Variants in TRPM7 observed in about 807,000 individuals in gnomAD.
TRPM7 encodes the protein LTRPC ion channel family member 7.
A neutral mutation model predicts 229.7 loss-of-function variants in TRPM7; 134 were observed. That is an observed-to-expected ratio of 0.58 (90% CI 0.51 to 0.67). The LOEUF (loss-of-function observed/expected upper bound fraction) is 0.67, where lower values mean the gene tolerates loss of function less well. Ranked by LOEUF, TRPM7 falls within the 30% of genes least tolerant of loss-of-function variation. The pLI is 0.00. For synonymous variants in TRPM7, 699 were observed against 715.2 expected, an observed-to-expected ratio of 0.98 and a Z score of 0.36; for missense variants, 1,901 against 2,210.0, an observed-to-expected ratio of 0.86 and a Z score of 2.80.
chr15:50,571,918 A>G (rs974245788), intron 36 of TRPM7, among the ~76,000 whole-genome samples: 1 of 152,230 alleles, frequency 6.6e-6, no homozygotes, highest in African/African-American at 2.4e-5. Context: ...CAATTTTGAA[A>G]GAAGTTCCAC....
chr15:50,636,550 GTTTT>G (rs2060914410), intron 7 of TRPM7, among the ~76,000 whole-genome samples: 1 of 152,060 alleles, frequency 6.6e-6, no homozygotes, highest in Non-Finnish European at 1.5e-5. Context: ...CTGTTCTGTA[GTTTT>G]TTTATTTCTA....
At chr15:50,652,656 GT>G (rs141785189) in intron 3 of TRPM7, among the ~76,000 whole-genome samples, 30 of 151,512 alleles carry the variant, frequency 2.0e-4, no homozygotes, top group African/African-American at 7.0e-4. Context: ...CAAAAAAATC[GT>G]TTAAGTGGGT....
rs769064285 is a variant in TRPM7 at position 50,592,112 on chromosome 15, A to G, written c.4123T>C (p.Leu1375=). Residue 1375 remains leucine, a synonymous_variant, in exon 26 of 39, where the codon TTA becomes CTA. Coordinates refer to ENST00000646667, the MANE Select transcript of TRPM7 (RefSeq NM_017672.6). ...LRQRLHGVEL[L]KIFNKNQKLG... is the part of the protein sequence containing the mutation. ...TTTTGATTTTTATTAAATATTTTTA[A>G]GAGTTCTACCCCATGTAGTCTCTGT... 2.5e-6 allele frequency: 4 copies of G among 1,610,560 alleles called. No individual in the cohort carries two copies. In the South Asian group the frequency reaches 4.4e-5, roughly 18 times the overall value.
intron 10 of TRPM7, among the ~76,000 whole-genome samples, chr15:50,630,212 G>C (rs776892660): frequency 1.8e-4 from 27 of 150,836 alleles, no homozygotes; most frequent in Non-Finnish European, 3.5e-4. Flanking sequence ...TTCCTTTTTG[G>C]TTTCTAGGTT....
intron 36 of TRPM7, among the ~76,000 whole-genome samples, chr15:50,570,981 C>T (rs2053858358): frequency 6.6e-6 from 1 of 152,080 alleles, no homozygotes; most frequent in South Asian, 2.1e-4. Context: ...TTGTGAAAAT[C>T]TTTCTTCACC....
At chr15:50,583,030 T>C in intron 29 of TRPM7, 59 bp downstream of exon 29, 1 of 1,238,248 alleles carries the variant, frequency 8.1e-7, no homozygotes, top group Non-Finnish European at 1.1e-6. Flanking sequence ...TTGTAGATCT[T>C]ATCTAAAAAA....
In TRPM7 at chr15:50,652,527, A is replaced by C. The variant is rs989024960; in HGVS notation, c.123-3642T>G. ...GACAATACAGCAAGACTCTGTCTCAAAAAAAAAAAAAAAAATCATTAATAC... is the reference window on the plus strand; with the variant it reads ...GACAATACAGCAAGACTCTGTCTCACAAAAAAAAAAAAAAATCATTAATAC... On this transcript the variant is annotated intron_variant, in intron 3 of 38. Coordinates refer to ENST00000646667, the MANE Select transcript of TRPM7 (RefSeq NM_017672.6). 9.1e-4 allele frequency among the ~76,000 whole-genome samples: 43 copies of C among 47,284 alleles called. No homozygotes were observed. In the East Asian group the frequency reaches 0.031, roughly 34 times the overall value. 31.0% of individuals were successfully genotyped at this position (47,284 alleles called of 152,430 possible).
chr15:50,635,112 T>C (rs2060850481), intron 7 of TRPM7, among the ~76,000 whole-genome samples: 1 of 151,284 alleles, frequency 6.6e-6, no homozygotes, highest in South Asian at 2.1e-4. Context: ...GGTCAGGAGA[T>C]CAAGACCATC....
Position 50,575,898 on chromosome 15 carries a change from G to A in TRPM7, c.4640C>T (p.Pro1547Leu). 4 of 1,613,254 alleles carry A rather than the reference G, an allele frequency of 2.5e-6. No individual in the cohort carries two copies. The highest frequency in any genetic ancestry group is 3.4e-6 in the Non-Finnish European group (4 of 1,179,628). The change falls in exon 32 of 39, where the codon CCA (proline) becomes CTA (leucine). Residue 1547 changes from proline (P) to leucine (L), a missense_variant. Around this residue, in one of 8 missense-constraint regions of TRPM7, gnomAD observed 533 missense variants for 497.1 expected, o/e 1.07. Coordinates refer to ENST00000646667, the MANE Select transcript of TRPM7 (RefSeq NM_017672.6). The stretch of plus-strand genomic sequence containing the variant: ...ATAATAGTAATTTGTATCCATAGCT[G>A]GCTTAAATGGAGAAGTGAGACCTAG... ...TLNGLTSPFK[P>L]AMDTNYYYSA... is the part of the protein sequence containing the mutation.
chr15:50,621,971 A>G (rs1173937855), intron 12 of TRPM7, among the ~76,000 whole-genome samples: 2 of 152,050 alleles, frequency 1.3e-5, no homozygotes, highest in African/African-American at 2.4e-5. Flanking sequence ...TGGAGGTCGC[A>G]TTGAGCCAAG....
chr15:50,564,009 T>C (rs2141430564), intron 38 of TRPM7, among the ~76,000 whole-genome samples: 1 of 152,184 alleles, frequency 6.6e-6, no homozygotes, highest in South Asian at 2.1e-4. Flanking sequence ...TACAGGCCTG[T>C]GACACCACAC....
chr15:50,564,546 T>C (rs1289739453), intron 38 of TRPM7, among the ~76,000 whole-genome samples: 3 of 151,936 alleles, frequency 2.0e-5, no homozygotes, highest in African/African-American at 7.2e-5. Context: ...TATATATGTA[T>C]GTTTTTATTT....
chr15:50,630,889 A>G (rs2060710973), intron 10 of TRPM7, among the ~76,000 whole-genome samples: 1 of 152,118 alleles, frequency 6.6e-6, no homozygotes, highest in African/African-American at 2.4e-5. Flanking sequence ...AAACTGGAAT[A>G]CAGCGGCATG....
chr15:50,681,264 T>TACATACACACACACACACACAC (rs2062235059), intron 1 of TRPM7, among the ~76,000 whole-genome samples: 1 of 146,906 alleles, frequency 6.8e-6, no homozygotes, highest in Non-Finnish European at 1.5e-5. Flanking sequence ...AATAAATAAA[T>TACATACACACACACACACACAC]ACACACACAC....
intron 27 of TRPM7, among the ~76,000 whole-genome samples, chr15:50,589,029 A>G (rs2059413074): frequency 1.3e-5 from 2 of 152,208 alleles, no homozygotes; most frequent in South Asian, 4.1e-4. Flanking sequence ...AATTTTTAAA[A>G]AAGAAATGTA....
chr15:50,647,732 A>T (rs938588710), intron 4 of TRPM7, among the ~76,000 whole-genome samples: 10 of 152,020 alleles, frequency 6.6e-5, no homozygotes, highest in Non-Finnish European at 1.2e-4. Flanking sequence ...GGCAACAGAG[A>T]CACCATCTCA....
intron 31 of TRPM7, 42 bp downstream of exon 31, chr15:50,578,597 G>A (rs369389958): frequency 1.4e-5 from 22 of 1,588,936 alleles, no homozygotes; most frequent in Non-Finnish European, 1.8e-5. Context: ...GATCATGTAA[G>A]ATTCTCATTT....
intron 13 of TRPM7, among the ~76,000 whole-genome samples, chr15:50,614,516 T>C (rs1596198321): frequency 6.6e-6 from 1 of 151,830 alleles, no homozygotes; most frequent in South Asian, 2.1e-4. Context: ...TACAAAAAAA[T>C]TAGCCAGGCA....
rs533761420 is a variant in TRPM7 at position 50,633,255 on chromosome 15, A to G, written c.1008-263T>C. ...TGTGTGTGGCAATATCAGTACTTAC[A>G]TAAGATATTGTATAAAAATAATTTG... On this transcript the variant is annotated intron_variant, in intron 8 of 38. Transcript: ENST00000646667. 5.2e-4 allele frequency among the ~76,000 whole-genome samples: 79 copies of G among 152,332 alleles called. 1 individual carries two copies. The South Asian group carries it at 0.013, about 26-fold the overall frequency.
Sources: allele counts gnomAD v4.1 joint callset (sites outside exome capture counted in the v4.1 genomes callset), GRCh38; gene constraint gnomAD v4.1.1; regional missense constraint gnomAD v4.1.1; transcripts MANE v1.5; gene names NCBI Gene and HGNC (gene_info 2026-07-23, HGNC 2026-07-21).